The following IFT74 variants were observed in gnomAD, a reference collection of about 807,000 sequenced individuals.
IFT74 encodes the protein intraflagellar transport protein 74 homolog.
Under a neutral mutation model 96.7 loss-of-function variants are expected in IFT74, and 92 were observed. That is an observed-to-expected ratio of 0.95 (90% CI 0.80 to 1.13). The LOEUF (loss-of-function observed/expected upper bound fraction) is 1.13, where lower values mean the gene tolerates loss of function less well. Among genes scored for constraint, IFT74 ranks in the 50% most tolerant of loss-of-function variants. IFT74 has a pLI of 0.00. For missense variants in IFT74, 811 were observed against 698.2 expected (o/e 1.16, Z -1.82); for synonymous variants, 223 against 213.2 (o/e 1.05, Z -0.40).
intron 16 of IFT74, among the ~76,000 whole-genome samples, chr9:27,051,729 C>G (rs1819930711): frequency 6.6e-6 from 1 of 152,196 alleles, no homozygotes; most frequent in South Asian, 2.1e-4. Flanking sequence ...CCTTAAGGTT[C>G]ATCCATGTTG....
intron 12 of IFT74, among the ~76,000 whole-genome samples, chr9:27,019,947 C>T (rs1459081451): frequency 6.6e-6 from 1 of 151,848 alleles, no homozygotes; most frequent in African/African-American, 2.4e-5. Context: ...CTACCAGTCA[C>T]CAGAAAGCAT....
chr9:26,973,683 G>A (rs1166006079), intron 2 of IFT74, among the ~76,000 whole-genome samples: 2 of 152,162 alleles, frequency 1.3e-5, no homozygotes, highest in Non-Finnish European at 2.9e-5. Context: ...CTTGATGTTT[G>A]ACTTTTGTAT....
At chr9:27,006,831 GTTTTTTTTTT>G (rs35534656) in intron 8 of IFT74, among the ~76,000 whole-genome samples, 11 of 64,342 alleles carry the variant, frequency 1.7e-4, no homozygotes, top group Non-Finnish European at 2.9e-4. Flanking sequence ...ATTATTGTGT[GTTTTTTTTTT>G]TTTTTTTTTT....
chr9:27,018,629 CT>C lies in IFT74; in HGVS notation c.934-13del. The stretch of plus-strand genomic sequence containing the variant: ...GAGTTATTTTTTTAAATACTACTTT[CT>C]TTTTATGCCTTTGTAGATTAAAGAT... On this transcript the variant is annotated splice_polypyrimidine_tract_variant and intron_variant, in intron 11 of 19. Transcript: ENST00000380062. 1.4e-6 allele frequency: 2 copies of C among 1,433,544 alleles called. No homozygotes were observed. Among genetic ancestry groups the C allele is most frequent in the Non-Finnish European group, 1.9e-6 (2 of 1,039,478 alleles). 88.8% of individuals were successfully genotyped at this position (1,433,544 alleles called of 1,614,324 possible).
chr9:27,037,651 G>A (rs964028569), intron 13 of IFT74, among the ~76,000 whole-genome samples: 3 of 152,178 alleles, frequency 2.0e-5, no homozygotes, highest in Admixed American at 6.5e-5. Flanking sequence ...TGGAAAGATC[G>A]TTTTACTCTG....
At chr9:26,979,052 G>A (rs1226533152) in intron 3 of IFT74, among the ~76,000 whole-genome samples, 1 of 151,960 alleles carries the variant, frequency 6.6e-6, no homozygotes, top group African/African-American at 2.4e-5. Context: ...TTTGACAGAT[G>A]ATCTATCAGG....
At chr9:27,045,811 G>C (rs894802725) in intron 14 of IFT74, among the ~76,000 whole-genome samples, 8 of 152,024 alleles carry the variant, frequency 5.3e-5, no homozygotes, top group Admixed American at 2.0e-4. Context: ...AATGTACCAA[G>C]TTTTCTTTAA....
chr9:27,016,429 C>T (rs983544036), intron 10 of IFT74, among the ~76,000 whole-genome samples: 3 of 152,124 alleles, frequency 2.0e-5, no homozygotes, highest in Non-Finnish European at 4.4e-5. Flanking sequence ...GTCAAATTGA[C>T]AGGTTTATGA....
At chr9:27,009,386 T>C (rs569054671) in intron 9 of IFT74, among the ~76,000 whole-genome samples, 7 of 152,336 alleles carry the variant, frequency 4.6e-5, no homozygotes, top group Admixed American at 4.6e-4. Flanking sequence ...TTTACTCTTA[T>C]TATTTTTGGT....
chr9:27,058,288 T>C (rs774910305), intron 18 of IFT74, among the ~76,000 whole-genome samples: 1 of 152,116 alleles, frequency 6.6e-6, no homozygotes, highest in Non-Finnish European at 1.5e-5. Flanking sequence ...AGGGTCTTGC[T>C]GTATTGCCCT....
At chr9:26,992,039 A>G (rs1485324751) in intron 8 of IFT74, among the ~76,000 whole-genome samples, 1 of 152,116 alleles carries the variant, frequency 6.6e-6, no homozygotes, top group Non-Finnish European at 1.5e-5. Context: ...CCGTCTCAAA[A>G]AAAAAAAATA....
chr9:26,958,139 A>T (rs1156372981), intron 1 of IFT74, among the ~76,000 whole-genome samples: 2 of 152,242 alleles, frequency 1.3e-5, no homozygotes, highest in East Asian at 3.8e-4. Flanking sequence ...ACAAGAGAGA[A>T]CAAAGTTTTT....
chr9:26,989,198 T>C (rs1827766003), intron 7 of IFT74, among the ~76,000 whole-genome samples: 1 of 152,054 alleles, frequency 6.6e-6, no homozygotes, highest in African/African-American at 2.4e-5. Flanking sequence ...GACATAACAC[T>C]GGGGACTCCA....
At chr9:26,961,136 G>A (rs1039328476) in intron 1 of IFT74, among the ~76,000 whole-genome samples, 4 of 149,286 alleles carry the variant, frequency 2.7e-5, no homozygotes, top group Admixed American at 6.7e-5. Context: ...TGTCGCCCAG[G>A]CTGGAGTGCA....
chr9:26,990,024 C>G, intron 7 of IFT74, 110 bp from the exon 8 acceptor site: 1 of 498,628 alleles, frequency 2.0e-6, no homozygotes, highest in Admixed American at 4.0e-5. Flanking sequence ...GTATGTGGCA[C>G]TAGGATAATT....
rs189589684 is a variant in IFT74 at position 27,024,600 on chromosome 9, G to A, written c.975-4425G>A. Among the ~76,000 whole-genome samples the A allele has an allele frequency of 6.6e-5, 10 of 152,216 alleles. No individual in the cohort carries two copies. The East Asian group carries it at 1.9e-3, about 29-fold the overall frequency. ...TAAAACAATTCTGGTAATATGAGAA[G>A]ACAAGGTTCTGTAACATCCCCAGAA... On this transcript the variant is annotated intron_variant, in intron 12 of 19. Transcript: ENST00000380062.
intron 8 of IFT74, chr9:26,995,853 T>G: frequency 1.9e-6 from 3 of 1,590,228 alleles, no homozygotes; most frequent in Non-Finnish European, 2.6e-6. Context: ...TCATGTTCTT[T>G]AATGGAATAC....
At chr9:26,995,852 T>G in intron 8 of IFT74, 1 of 1,590,830 alleles carries the variant, frequency 6.3e-7, no homozygotes. Flanking sequence ...TTCATGTTCT[T>G]TAATGGAATA....
chr9:26,953,645 T>C (rs1207259091), upstream of IFT74, among the ~76,000 whole-genome samples: 1 of 151,954 alleles, frequency 6.6e-6, no homozygotes, highest in East Asian at 1.9e-4. Flanking sequence ...ATGTCACTCC[T>C]CAAAGTGTCT....
Sources: gnomAD v4.1 joint callset for allele counts (sites outside exome capture counted in the v4.1 genomes callset) on GRCh38, gnomAD v4.1.1 for gene constraint, MANE v1.5 for transcripts, NCBI Gene and HGNC (gene_info 2026-07-23, HGNC 2026-07-21) for gene names.